The following KHDRBS2 variants were observed in gnomAD, a reference collection of about 807,000 sequenced individuals.
The protein encoded by KHDRBS2 is KH domain-containing, RNA-binding, signal transduction-associated protein 2.
In KHDRBS2, 26 loss-of-function variants were observed where a neutral mutation model predicts 44.3. The ratio of observed to expected loss-of-function variants is 0.59; its 90% confidence interval spans 0.43 to 0.81. KHDRBS2 has a LOEUF of 0.81. KHDRBS2 is among the 40% of genes least tolerant of loss of function. The pLI is 0.00. For synonymous variants in KHDRBS2, 194 were observed against 151.1 expected (o/e 1.28, Z -2.08); for missense variants, 476 against 433.1 (o/e 1.10, Z -0.88).
At chr6:61,892,363 G>T (rs1253725458) in intron 6 of KHDRBS2, among the ~76,000 whole-genome samples, 1 of 152,082 alleles carries the variant, frequency 6.6e-6, no homozygotes, top group African/African-American at 2.4e-5. Context: ...TCCCCATCAA[G>T]CTACCAATGA....
intron 1 of KHDRBS2, among the ~76,000 whole-genome samples, chr6:62,207,056 C>T (rs1265467917): frequency 1.3e-5 from 2 of 151,930 alleles, no homozygotes; most frequent in Non-Finnish European, 2.9e-5. Flanking sequence ...AACTTTAATC[C>T]TGTAAGACTT....
chr6:62,031,938 C>A (rs1477525870), intron 3 of KHDRBS2, among the ~76,000 whole-genome samples: 2 of 152,018 alleles, frequency 1.3e-5, no homozygotes, highest in Admixed American at 6.6e-5. Context: ...AGATCTAGCA[C>A]CTTGCTGGCT....
chr6:61,848,506 T>TAC (rs1562294127), intron 6 of KHDRBS2, among the ~76,000 whole-genome samples: 3 of 53,880 alleles, frequency 5.6e-5, no homozygotes, highest in African/African-American at 3.3e-4. Flanking sequence ...TATATATATA[T>TAC]ATATGTATAT....
intron 6 of KHDRBS2, among the ~76,000 whole-genome samples, chr6:61,791,124 A>T (rs1384382620): frequency 6.6e-6 from 1 of 151,202 alleles, no homozygotes; most frequent in Non-Finnish European, 1.5e-5. Context: ...TTAATCTGTG[A>T]GTTTTCCCTT....
chr6:61,720,940 T>C (rs1282989496), intron 7 of KHDRBS2, among the ~76,000 whole-genome samples: 1 of 150,970 alleles, frequency 6.6e-6, no homozygotes, highest in Non-Finnish European at 1.5e-5. Flanking sequence ...TAATCCATCT[T>C]GAATTGATTT....
At chr6:61,908,275 C>T (rs777191642) in intron 4 of KHDRBS2, among the ~76,000 whole-genome samples, 4 of 152,000 alleles carry the variant, frequency 2.6e-5, no homozygotes, top group African/African-American at 7.2e-5. Context: ...GAAGGTAAAG[C>T]TATGGCAATT....
rs564033393 is a variant in KHDRBS2 at position 62,230,738 on chromosome 6, A to T, written c.92-53426T>A. ...AATGATCAATTAAGATTCACAGGGC[A>T]ATTAAAAATCCCAACTATGATGTTT... On this transcript the variant is annotated intron_variant, in intron 1 of 8. Transcript: ENST00000281156. Among the ~76,000 whole-genome samples, 4 of 152,340 alleles carry T rather than the reference A, an allele frequency of 2.6e-5. No individual in the cohort carries two copies. In the South Asian group the frequency reaches 8.3e-4, roughly 32 times the overall value.
the KHDRBS2 span, among the ~76,000 whole-genome samples, chr6:61,612,315 A>G: frequency 6.6e-6 from 1 of 152,310 alleles, no homozygotes; most frequent in African/African-American, 2.4e-5. Context: ...AGGTCTTTTT[A>G]TAAAACTGTG....
intron 6 of KHDRBS2, among the ~76,000 whole-genome samples, chr6:61,824,553 T>C (rs1240401371): frequency 2.0e-5 from 3 of 152,118 alleles, no homozygotes; most frequent in African/African-American, 7.2e-5. Flanking sequence ...TATAGCAGTG[T>C]AATGGACTAA....
chr6:62,038,368 C>T (rs73758616), intron 3 of KHDRBS2, among the ~76,000 whole-genome samples: 3,686 of 151,144 alleles, frequency 0.024, 148 homozygotes, highest in African/African-American at 0.082. Flanking sequence ...CGTTTAGTGT[C>T]ATTAACTAAA....
At chr6:62,084,301 A>G (rs1584593395) in intron 2 of KHDRBS2, among the ~76,000 whole-genome samples, 1 of 152,222 alleles carries the variant, frequency 6.6e-6, no homozygotes, top group Non-Finnish European at 1.5e-5. Context: ...ATAAGAGACT[A>G]CATACAAAAG....
At chr6:61,954,877 T>TAC (rs2127387326) in intron 4 of KHDRBS2, among the ~76,000 whole-genome samples, 1 of 5,382 alleles carries the variant, frequency 1.9e-4, no homozygotes, top group East Asian at 0.019. Flanking sequence ...TACATATGTG[T>TAC]ATATATGTAT....
intron 6 of KHDRBS2, among the ~76,000 whole-genome samples, chr6:61,742,170 T>G (rs533637413): frequency 6.6e-6 from 1 of 152,074 alleles, no homozygotes; most frequent in African/African-American, 2.4e-5. Flanking sequence ...CCCTTTAATA[T>G]TATTGAATAT....
intron 7 of KHDRBS2, among the ~76,000 whole-genome samples, chr6:61,721,453 C>A (rs202009607): frequency 0.38 from 54,725 of 145,904 alleles, 11,113 homozygotes; most frequent in African/African-American, 0.56. Context: ...CTTTTATTTC[C>A]TTGAGCAGTG....
chr6:62,267,422 T>TG (rs1253923819), intron 1 of KHDRBS2, among the ~76,000 whole-genome samples: 2 of 152,044 alleles, frequency 1.3e-5, no homozygotes, highest in Non-Finnish European at 2.9e-5. Context: ...GTCTTTTAGC[T>TG]GCTCTGAGCC....
intron 1 of KHDRBS2, among the ~76,000 whole-genome samples, chr6:62,270,074 G>A (rs951163668): frequency 3.9e-5 from 6 of 152,056 alleles, no homozygotes; most frequent in Admixed American, 2.0e-4. Flanking sequence ...AATTGGAGGC[G>A]ATATAGTTTG....
chr6:61,774,346 G>A (rs1781561970), intron 6 of KHDRBS2, among the ~76,000 whole-genome samples: 1 of 151,852 alleles, frequency 6.6e-6, no homozygotes, highest in South Asian at 2.1e-4. Flanking sequence ...CCTTGAAGAG[G>A]TCCAATCATG....
intron 6 of KHDRBS2, among the ~76,000 whole-genome samples, chr6:61,733,619 C>T (rs1042992522): frequency 6.6e-6 from 1 of 151,128 alleles, no homozygotes; most frequent in Non-Finnish European, 1.5e-5. Flanking sequence ...AAAAAAAAGA[C>T]TTTGTGTACA....
At chr6:61,555,275 C>T in the KHDRBS2 span, among the ~76,000 whole-genome samples, 6 of 152,206 alleles carry the variant, frequency 3.9e-5, no homozygotes, top group South Asian at 1.2e-3. Flanking sequence ...CTCTGAGATG[C>T]TTTCCTCAGC....
Sources: allele counts gnomAD v4.1 joint callset (sites outside exome capture counted in the v4.1 genomes callset), GRCh38; gene constraint gnomAD v4.1.1; transcripts MANE v1.5; gene names NCBI Gene and HGNC (gene_info 2026-07-23, HGNC 2026-07-21).